The following CCDC88B variants were observed in gnomAD, a reference collection of about 807,000 sequenced individuals.
CCDC88B encodes the protein coiled-coil and HOOK domain protein 88B.
CCDC88B carries 138 observed loss-of-function variants against 183.7 expected under a neutral mutation model. That is an observed-to-expected ratio of 0.75 (90% CI 0.65 to 0.87). CCDC88B has a LOEUF of 0.87. CCDC88B is among the 40% of genes least tolerant of loss of function. The pLI, the probability that CCDC88B is intolerant of heterozygous loss-of-function variation, is 0.00. For synonymous variants in CCDC88B, 835 were observed against 867.5 expected, an observed-to-expected ratio of 0.96 and a Z score of 0.66; for missense variants, 1,822 against 1,965.6, an observed-to-expected ratio of 0.93 and a Z score of 1.38.
chr11:64,347,943 G>A (rs1023842850), intron 14 of CCDC88B, among the ~76,000 whole-genome samples: 1 of 151,490 alleles, frequency 6.6e-6, no homozygotes, highest in African/African-American at 2.4e-5. Context: ...CCAGCTACTC[G>A]GGAGGCTGAG....
In CCDC88B at chr11:64,352,391, G is replaced by A. The variant is rs1213330936; in HGVS notation, c.3356+5G>A. 1 of 1,526,102 alleles carries A rather than the reference G, an allele frequency of 6.6e-7. No individual in the cohort carries two copies. Among genetic ancestry groups the A allele is most frequent in the Admixed American group, 2.0e-5 (1 of 49,678 alleles). The allele number at this position is 1,526,102 out of a possible 1,614,324, so 94.5% of individuals were successfully genotyped here. ...CCACCGGGAGCTGCAGGGCCGGTGA[G>A]CATCACCAAATGCCCAGCTCCTCCC... On this transcript the variant is annotated splice_donor_5th_base_variant and intron_variant, in intron 19 of 26. Transcript: ENST00000356786.
rs1173276872 is a variant in CCDC88B, at chr11:64,353,232, C to A, written c.3679C>A (p.Gln1227Lys). The change falls in exon 21 of 27, where the codon CAG becomes AAG. Residue 1227 changes from glutamine (Q) to lysine (K), a missense_variant. By Grantham distance (53) the Gln-to-Lys change is moderately conservative. Transcript: ENST00000356786. ...CCTGAGCGCCTGCCGGCTGACCACG[C>A]AGTGTGAGGTGTGGCTGGAGGGCCG... ...LDLSACRLTT[Q>K]CELLTQLRSA... 6.4e-7 allele frequency: 1 copy of A among 1,565,490 alleles called. No individual in the cohort carries two copies. Among genetic ancestry groups the A allele is most frequent in the East Asian group, 2.3e-5 (1 of 43,396 alleles).
chr11:64,341,860 T>A (rs1429630646), intron 7 of CCDC88B, 118 bp downstream of exon 7: 6 of 476,414 alleles, frequency 1.3e-5, no homozygotes, highest in Non-Finnish European at 1.8e-5. Context: ...GTCTGAGGTC[T>A]TGGGCCATCA....
rs778476322 is a variant in CCDC88B, at chr11:64,353,434, G to A, written c.3771G>A (p.Arg1257=). 8 of 1,613,074 alleles carry A rather than the reference G, an allele frequency of 5.0e-6. No homozygotes were observed. The Admixed American group carries it at 6.7e-5, about 13-fold the overall frequency. ...TTCAGGCCCTGAGCCGGGAGAACAG[G>A]GAGCTCCTGGAGCGCAGCCTGGAGA... ...AEVQALSREN[R]ELLERSLESR... The change falls in exon 22 of 27, where the codon AGG becomes AGA. Residue 1257 remains arginine, a synonymous_variant. Transcript: ENST00000356786.
At position 64,354,063 on chromosome 11, in the gene CCDC88B, GC is replaced by G. The variant is rs35974392; in HGVS notation, c.3998del (p.Pro1333LeufsTer276). On this transcript the variant is annotated frameshift_variant, in exon 24 of 27. Coordinates refer to ENST00000356786, the MANE Select transcript of CCDC88B (RefSeq NM_032251.6). LOFTEE classifies it high-confidence loss of function. The part of the protein sequence containing the change: ...KRLMRPRREG[G>X]PPGGLRLGAD... ...CTGATGCGGCCCCGGCGGGAGGGGG[GC>G]CCCCCTGGGGGGCTGCGCCTGGGGG... 17 of 1,448,654 alleles carry G rather than the reference GC, an allele frequency of 1.2e-5. No individual in the cohort carries two copies. The highest frequency in any genetic ancestry group is 3.2e-5 in the South Asian group (2 of 61,578). 89.7% of individuals were successfully genotyped at this position (1,448,654 alleles called of 1,614,324 possible).
chr11:64,355,489 C>T (rs2036520507), intron 25 of CCDC88B, 71 bp from the exon 26 acceptor site: 1 of 1,594,356 alleles, frequency 6.3e-7, no homozygotes, highest in Non-Finnish European at 8.6e-7. Flanking sequence ...CTTCTTGTCC[C>T]CTGTGTCTCC....
Position 64,341,583 on chromosome 11 carries a change from T to C in CCDC88B, c.532-16T>C, listed in dbSNP as rs2035856109. ...CACACCGCGGCTTCCACTGAACTGC[T>C]CTTCCTGCGCCCCAGGTGACCCAGC... On this transcript the variant is annotated splice_polypyrimidine_tract_variant and intron_variant, in intron 6 of 26. Transcript: ENST00000356786. 1.2e-6 allele frequency: 2 copies of C among 1,604,514 alleles called. No individual in the cohort carries two copies. Among genetic ancestry groups the C allele is most frequent in the African/African-American group, 2.7e-5 (2 of 74,818 alleles).
At chr11:64,342,212 G>T in intron 8 of CCDC88B, 73 bp downstream of exon 8, 58 of 1,582,832 alleles carry the variant, frequency 3.7e-5, no homozygotes, top group Non-Finnish European at 5.0e-5. Flanking sequence ...CCCTAGCCCT[G>T]GTGGCTACGG....
chr11:64,343,197 G>A lies in CCDC88B; in HGVS notation c.1081G>A (p.Gly361Arg), dbSNP rs757725251. The A allele has an allele frequency of 1.3e-6, 2 of 1,538,362 alleles. No individual in the cohort carries two copies. The change falls in exon 11 of 27, where the codon GGG (glycine) becomes AGG (arginine). Residue 361 changes from glycine (G) to arginine (R), a missense_variant. Physicochemically the swap from Gly to Arg is moderately radical, Grantham distance 125. Transcript: ENST00000356786. ...CCACCAGGAGGAGCGGGTGCTCTCGGGGGTGCTGGAGGCGTCCAAGGCGCT... is the reference window on the plus strand; with the variant it reads ...CCACCAGGAGGAGCGGGTGCTCTCGAGGGTGCTGGAGGCGTCCAAGGCGCT... Reference protein sequence around the residue: ...SQLEEERVLSGVLEASKALLE... With the variant: ...SQLEEERVLSRVLEASKALLE...
At chr11:64,341,055 G>C in intron 3 of CCDC88B, 37 bp downstream of exon 3, 1 of 1,613,750 alleles carries the variant, frequency 6.2e-7, no homozygotes, top group Non-Finnish European at 8.5e-7. Context: ...GACAGGAGGG[G>C]AAGAGGAGCC....
At chr11:64,342,761 C>G in intron 10 of CCDC88B, 81 bp downstream of exon 10, 1 of 1,399,068 alleles carries the variant, frequency 7.1e-7, no homozygotes, top group Non-Finnish European at 9.3e-7. Flanking sequence ...GTCCCGAGGG[C>G]AGAGAGGCAG....
At position 64,349,632 on chromosome 11, in the gene CCDC88B, G is replaced by C. The variant is rs1053330121; in HGVS notation, c.2826G>C (p.Lys942Asn). The C allele has an allele frequency of 2.5e-6, 4 of 1,599,900 alleles. No individual in the cohort carries two copies. Among genetic ancestry groups the C allele is most frequent in the African/African-American group, 2.7e-5 (2 of 74,952 alleles). The change falls in exon 16 of 27, where the codon AAG (lysine) becomes AAC (asparagine). Residue 942 changes from lysine (K) to asparagine (N), a missense_variant. Transcript: ENST00000356786. ...AGGAGGAGGCGCTGATGGAGCTCAAGACCAGGGCCCTGCAGCTGGAAGAGG... is the reference window on the plus strand; with the variant it reads ...AGGAGGAGGCGCTGATGGAGCTCAACACCAGGGCCCTGCAGCTGGAAGAGG... ...TSKEEALMELKTRALQLEEEL... is the reference protein window; with the variant it reads ...TSKEEALMELNTRALQLEEEL...
In CCDC88B at chr11:64,354,065, C is replaced by T; in HGVS notation, c.3994C>T (p.Pro1332Ser). ...GATGCGGCCCCGGCGGGAGGGGGGC[C>T]CCCCTGGGGGGCTGCGCCTGGGGGC... ...RLMRPRREGGPPGGLRLGADG... is the reference protein window; with the variant it reads ...RLMRPRREGGSPGGLRLGADG... The change falls in exon 24 of 27, where the codon CCC becomes TCC. Residue 1332 changes from proline (P) to serine (S), a missense_variant. Pro to Ser is a moderately conservative substitution (Grantham distance 74). Coordinates refer to ENST00000356786, the MANE Select transcript of CCDC88B (RefSeq NM_032251.6). 2.1e-6 allele frequency: 3 copies of T among 1,447,132 alleles called. No individual in the cohort carries two copies. Among genetic ancestry groups the T allele is most frequent in the South Asian group, 1.6e-5 (1 of 61,060 alleles). 89.6% of individuals were successfully genotyped at this position (1,447,132 alleles called of 1,614,324 possible). A position where few individuals can be genotyped will look rare whatever the true frequency, so the allele number is the denominator to read the frequency against.
chr11:64,340,706 C>CT lies in CCDC88B; in HGVS notation c.161dup (p.Arg55AlafsTer30). The CT allele has an allele frequency of 6.2e-7, 1 of 1,612,670 alleles. No homozygotes were observed. Among genetic ancestry groups the CT allele is most frequent in the Non-Finnish European group, 8.5e-7 (1 of 1,179,828 alleles). On this transcript the variant is annotated frameshift_variant, in exon 2 of 27. Coordinates refer to ENST00000356786, the MANE Select transcript of CCDC88B (RefSeq NM_032251.6). LOFTEE classifies it high-confidence loss of function. ...GCCCCTTTGGTTGGAGAAGAGATTCCTGCGCCTCAGCGATGGGGCCCTGCT... is the reference window on the plus strand; with the variant it reads ...GCCCCTTTGGTTGGAGAAGAGATTCCTTGCGCCTCAGCGATGGGGCCCTGCT...
intron 24 of CCDC88B, 29 bp from the exon 25 acceptor site, chr11:64,355,165 C>T (rs759078190): frequency 1.5e-6 from 2 of 1,374,112 alleles, no homozygotes; most frequent in East Asian, 5.6e-5. Flanking sequence ...CCCCTCCTCT[C>T]ACCCCCTCCC....
rs780814192 is a variant in CCDC88B, at chr11:64,348,985, C to T, written c.2617-346C>T. 3 of 717,508 alleles carry T rather than the reference C, an allele frequency of 4.2e-6. No individual in the cohort carries two copies. In the South Asian group the frequency reaches 4.4e-5, roughly 11 times the overall value. 44.4% of individuals were successfully genotyped at this position (717,508 alleles called of 1,614,324 possible). On this transcript the variant is annotated intron_variant, in intron 14 of 26. Coordinates refer to ENST00000356786, the MANE Select transcript of CCDC88B (RefSeq NM_032251.6). ...CTCTAGCTGTCTCGCTGTCACATGG[C>T]TGGGGTGGCAGCCCACCGGGCGCAT...
intron 14 of CCDC88B, among the ~76,000 whole-genome samples, chr11:64,346,947 A>G (rs916578565): frequency 6.7e-6 from 1 of 150,322 alleles, no homozygotes; most frequent in Non-Finnish European, 1.5e-5. Context: ...GGTGCATGCC[A>G]CCATGCCCAG....
Position 64,357,220 on chromosome 11 carries a change from G to C in CCDC88B, c.*126G>C, listed in dbSNP as rs758473777. On this transcript the variant is annotated 3_prime_UTR_variant, in exon 27 of 27. Transcript: ENST00000356786. ...GGGGAGTCCTTGGACAAGGAGGCCT[G>C]GGCCCTGAGATCCTCCACGGTCAGC... The C allele has an allele frequency of 1.7e-6, 2 of 1,172,936 alleles. No homozygotes were observed. Among genetic ancestry groups the C allele is most frequent in the East Asian group, 4.8e-5 (2 of 41,828 alleles). 72.7% of individuals were successfully genotyped at this position (1,172,936 alleles called of 1,614,324 possible).
intron 16 of CCDC88B, 89 bp from the exon 17 acceptor site, chr11:64,351,070 TG>T: frequency 2.2e-6 from 2 of 892,804 alleles, no homozygotes; most frequent in Non-Finnish European, 3.2e-6. Context: ...TAAATGCTGC[TG>T]GCAGGGCAGG....
Sources: gnomAD v4.1 joint callset for allele counts (sites outside exome capture counted in the v4.1 genomes callset) on GRCh38, gnomAD v4.1.1 for gene constraint, MANE v1.5 for transcripts, NCBI Gene and HGNC (gene_info 2026-07-23, HGNC 2026-07-21) for gene names.